Variants in ATP13A5 observed in about 807,000 individuals in gnomAD.
ATP13A5 encodes probable cation-transporting ATPase 13A5.
Under a neutral mutation model 150.2 loss-of-function variants are expected in ATP13A5, and 149 were observed. That is an observed-to-expected ratio of 0.99 (90% CI 0.87 to 1.14). The LOEUF is 1.14. ATP13A5 is among the 50% of genes most tolerant of loss of function. ATP13A5 has a pLI of 0.00. For missense variants in ATP13A5, 1,383 were observed against 1,449.3 expected (o/e 0.95, Z 0.74); for synonymous variants, 497 against 522.2 (o/e 0.95, Z 0.66).
chr3:193,306,038 G>A (rs566203847), intron 22 of ATP13A5, among the ~76,000 whole-genome samples: 46 of 152,038 alleles, frequency 3.0e-4, no homozygotes, highest in East Asian at 1.2e-3. Context: ...GACCTTCACC[G>A]TTTCAGTTCT....
At position 193,276,750 on chromosome 3, in the gene ATP13A5, C is replaced by A. The variant is rs1717228573; in HGVS notation, c.3396G>T (p.Glu1132Asp). The A allele has an allele frequency of 6.3e-7, 1 of 1,594,126 alleles. No homozygotes were observed. The highest frequency in any genetic ancestry group is 8.6e-7 in the Non-Finnish European group (1 of 1,164,558). Residue 1132 changes from glutamate (E) to aspartate (D), a missense_variant and splice_region_variant, in exon 29 of 30, where the codon GAG (glutamate) becomes GAT (aspartate). By Grantham distance (45) the Glu-to-Asp change is conservative. Around this residue, in one of 3 missense-constraint regions of ATP13A5, gnomAD observed 568 missense variants for 621.5 expected, o/e 0.91. Transcript: ENST00000342358. ...LTQFCVAFFV[E>D]DSILQNHELW... Reference sequence around the variant, plus strand: ...AGAAAAAATATAGAGATTACTTTACCTCTACAAAGAAAGCCACACAGAATT... The same window carrying A: ...AGAAAAAATATAGAGATTACTTTACATCTACAAAGAAAGCCACACAGAATT...
intron 5 of ATP13A5, among the ~76,000 whole-genome samples, chr3:193,357,418 C>T (rs866504824): frequency 3.9e-5 from 6 of 152,246 alleles, no homozygotes; most frequent in South Asian, 4.1e-4. Flanking sequence ...TGGCATGCCC[C>T]TTGCTGCTGT....
At chr3:193,313,874 AAC>A in intron 19 of ATP13A5, 157 bp downstream of exon 19, 1 of 823,758 alleles carries the variant, frequency 1.2e-6, no homozygotes, top group Non-Finnish European at 1.8e-6. Flanking sequence ...TTTCCTAGGC[AAC>A]CAGAGCTGGC....
At chr3:193,361,114 A>G (rs1712989769) in intron 5 of ATP13A5, among the ~76,000 whole-genome samples, 1 of 152,368 alleles carries the variant, frequency 6.6e-6, no homozygotes, top group African/African-American at 2.4e-5. Context: ...GTGTGTCTAC[A>G]TCTATCAACT....
rs763799123 is a variant in ATP13A5 at position 193,301,247 on chromosome 3, G to A, written c.2739C>T (p.Gly913=). The stretch of plus-strand genomic sequence containing the variant: ...GTAATGCACTGATAAACTGGATTAT[G>A]CCGTACATGGTCAAGTATTTAAATA... ...FGVFKYLTMY[G]IIQFISALLL... is the part of the protein sequence containing the mutation. Residue 913 remains glycine, a synonymous_variant, in exon 24 of 30, where the codon GGC becomes GGT. Coordinates refer to ENST00000342358, the MANE Select transcript of ATP13A5 (RefSeq NM_198505.4). The A allele has an allele frequency of 4.3e-6, 7 of 1,613,344 alleles. No individual in the cohort carries two copies. In the Admixed American group the frequency reaches 1.2e-4, roughly 27 times the overall value.
intron 8 of ATP13A5, among the ~76,000 whole-genome samples, chr3:193,344,349 C>T (rs1263804035): frequency 6.6e-6 from 1 of 152,208 alleles, no homozygotes; most frequent in East Asian, 1.9e-4. Flanking sequence ...AGTGCAGCTT[C>T]CTGCTGTTTG....
chr3:193,282,700 G>A (rs1357016032), intron 27 of ATP13A5, among the ~76,000 whole-genome samples: 1 of 152,164 alleles, frequency 6.6e-6, no homozygotes, highest in Non-Finnish European at 1.5e-5. Flanking sequence ...AAATAAATGT[G>A]CAGGCAGGAT....
At chr3:193,357,999 A>G (rs1712855534) in intron 5 of ATP13A5, among the ~76,000 whole-genome samples, 1 of 152,132 alleles carries the variant, frequency 6.6e-6, no homozygotes, top group Non-Finnish European at 1.5e-5. Context: ...CTTACCAATA[A>G]TTGTTAATAA....
intron 11 of ATP13A5, among the ~76,000 whole-genome samples, chr3:193,332,951 T>A (rs916878465): frequency 7.2e-5 from 11 of 152,154 alleles, no homozygotes; most frequent in Non-Finnish European, 4.4e-5. Context: ...CCAGCCCCAG[T>A]GACCTTGACA....
In ATP13A5 at chr3:193,314,181, T is replaced by C. The variant is rs749397704; in HGVS notation, c.2171A>G (p.Gln724Arg). 17 of 1,613,758 alleles carry C rather than the reference T, an allele frequency of 1.1e-5. No homozygotes were observed. The highest frequency in any genetic ancestry group is 1.4e-5 in the Non-Finnish European group (17 of 1,179,762). ...ATTCTTTGCAACAGTAATGGCCGTT[T>C]GAAGGTTATCACCTAGAAGACAAAG... is the stretch of plus-strand genomic sequence containing the variant. ...RTVMITGDNLQTAITVAKNSE... is the reference protein window; with the variant it reads ...RTVMITGDNLRTAITVAKNSE... Residue 724 changes from glutamine (Q) to arginine (R), a missense_variant, in exon 19 of 30, where the codon CAA becomes CGA. By Grantham distance (43) the Gln-to-Arg change is conservative. Transcript: ENST00000342358.
At chr3:193,279,492 G>T in intron 27 of ATP13A5, 38 bp from the exon 28 acceptor site, 1 of 1,541,144 alleles carries the variant, frequency 6.5e-7, no homozygotes, top group African/African-American at 1.4e-5. Context: ...GATGTTAAAA[G>T]AATGTTTCAT....
intron 1 of ATP13A5, among the ~76,000 whole-genome samples, chr3:193,368,348 T>C (rs141589955): frequency 4.1e-4 from 62 of 151,872 alleles, no homozygotes; most frequent in African/African-American, 1.4e-3. Context: ...TGTATTAAGT[T>C]TGGGGATTAG....
chr3:193,311,925 G>C lies in ATP13A5; in HGVS notation c.2336C>G (p.Thr779Ser). The C allele has an allele frequency of 6.2e-7, 1 of 1,613,758 alleles. No individual in the cohort carries two copies. The highest frequency in any genetic ancestry group is 1.7e-4 in the Middle Eastern group (1 of 6,058). Residue 779 changes from threonine to serine, a missense_variant, in exon 20 of 30, where the codon ACT becomes AGT. Thr to Ser is a moderately conservative substitution (Grantham distance 58). Transcript: ENST00000342358. The part of the protein sequence containing the change: ...GPGKKEIYMH[T>S]GNSSTPRGEG... ...CCCACGAGGGGTTGAACTGTTTCCA[G>C]TATGCATGTAGATTTCCTAAAATCA...
intron 25 of ATP13A5, among the ~76,000 whole-genome samples, chr3:193,296,601 T>C (rs968551593): frequency 2.0e-5 from 3 of 152,144 alleles, no homozygotes; most frequent in Non-Finnish European, 4.4e-5. Context: ...TGTAGTATAG[T>C]TTGAAGTCAG....
At chr3:193,350,362 A>C (rs928017837) in intron 7 of ATP13A5, among the ~76,000 whole-genome samples, 1 of 152,140 alleles carries the variant, frequency 6.6e-6, no homozygotes, top group Non-Finnish European at 1.5e-5. Context: ...AATGCATAAC[A>C]ATCATTAGTT....
At chr3:193,375,370 C>T (rs1391710147) in intron 1 of ATP13A5, among the ~76,000 whole-genome samples, 1 of 152,174 alleles carries the variant, frequency 6.6e-6, no homozygotes, top group African/African-American at 2.4e-5. Flanking sequence ...AGCTATATAA[C>T]CTGGAGGCTT....
In ATP13A5 at chr3:193,334,929, C is replaced by T. The variant is rs747042468; in HGVS notation, c.1114G>A (p.Gly372Ser). The T allele has an allele frequency of 1.9e-6, 3 of 1,612,158 alleles. No homozygotes were observed. The highest frequency in any genetic ancestry group is 2.5e-6 in the Non-Finnish European group (3 of 1,178,782). The change falls in exon 10 of 30, where the codon GGT (glycine) becomes AGT (serine). Residue 372 changes from glycine (G) to serine (S), a missense_variant and splice_region_variant. By Grantham distance (56) the Gly-to-Ser change is moderately conservative (BLOSUM62 0). Transcript: ENST00000342358. ...GPVRAVVLQT[G>S]YNTAKGDLVR... is the part of the protein sequence containing the mutation. ...ACTTACAAAAGTGGAATCCACTAAC[C>T]TGTTTGCAAAACGACTGCTCGTACA... is the stretch of plus-strand genomic sequence containing the variant.
rs191699113 is a variant in ATP13A5 at position 193,337,139 on chromosome 3, C to G, written c.944-2040G>C. ...TTCTTTGTAGATTCTGGATATTAGC[C>G]CTTTGTCAGATGAGTAGGTTGCAAA... On this transcript the variant is annotated intron_variant, in intron 9 of 29. Coordinates refer to ENST00000342358, the MANE Select transcript of ATP13A5 (RefSeq NM_198505.4). 1.5e-3 allele frequency among the ~76,000 whole-genome samples: 229 copies of G among 152,064 alleles called. 1 individual carries two copies. The highest frequency in any genetic ancestry group is 3.9e-3 in the Admixed American group (59 of 15,280).
At chr3:193,368,594 G>A (rs924036187) in intron 1 of ATP13A5, among the ~76,000 whole-genome samples, 2 of 152,058 alleles carry the variant, frequency 1.3e-5, no homozygotes, top group Non-Finnish European at 2.9e-5. Context: ...TAAACAAACA[G>A]AGCAACAAAA....
Sources: allele counts gnomAD v4.1 joint callset (sites outside exome capture counted in the v4.1 genomes callset), GRCh38; gene constraint gnomAD v4.1.1; regional missense constraint gnomAD v4.1.1; transcripts MANE v1.5; gene names NCBI Gene and HGNC (gene_info 2026-07-23, HGNC 2026-07-21).